The following ZZZ3 variants were observed in gnomAD, a reference collection of about 807,000 sequenced individuals.
ZZZ3 encodes the protein zinc finger ZZ-type containing 3, also known as ZZ-type zinc finger-containing protein 3.
Under a neutral mutation model 95.2 loss-of-function variants are expected in ZZZ3, and 22 were observed. The ratio of observed to expected loss-of-function variants is 0.23; its 90% CI spans 0.17 to 0.33. The LOEUF is 0.33. Among genes scored for constraint, ZZZ3 ranks in the 10% least tolerant of loss-of-function variants. The pLI, the probability that ZZZ3 is intolerant of heterozygous loss-of-function variation, is 1.00. For missense variants in ZZZ3, 885 were observed against 1,066.5 expected, an observed-to-expected ratio of 0.83 and a Z score of 2.37; for synonymous variants, 335 against 358.9, an observed-to-expected ratio of 0.93 and a Z score of 0.75.
intron 5 of ZZZ3, among the ~76,000 whole-genome samples, chr1:77,594,075 T>C (rs546833326): frequency 1.7e-4 from 26 of 152,254 alleles, no homozygotes; most frequent in Middle Eastern, 3.4e-3. Context: ...CAGCATTAAG[T>C]CTCCACTTTC....
chr1:77,680,602 AAAC>A (rs1247615152), intron 1 of ZZZ3, among the ~76,000 whole-genome samples: 6 of 152,212 alleles, frequency 3.9e-5, no homozygotes, highest in Non-Finnish European at 8.8e-5. Flanking sequence ...GAAATTACAA[AAAC>A]AACACTTACA....
At chr1:77,646,477 C>A (rs1269917768) in intron 1 of ZZZ3, among the ~76,000 whole-genome samples, 1 of 152,162 alleles carries the variant, frequency 6.6e-6, no homozygotes, top group Non-Finnish European at 1.5e-5. Context: ...CCCACCTCAG[C>A]CTCACAAAGT....
chr1:77,621,229 G>A (rs572092916), intron 5 of ZZZ3, among the ~76,000 whole-genome samples: 1 of 151,950 alleles, frequency 6.6e-6, no homozygotes, highest in Admixed American at 6.6e-5. Context: ...ACAGTGGCTC[G>A]TAACTGTAAT....
At chr1:77,667,059 TAATC>T (rs1487846413) in intron 1 of ZZZ3, among the ~76,000 whole-genome samples, 1 of 152,240 alleles carries the variant, frequency 6.6e-6, no homozygotes, top group African/African-American at 2.4e-5. Flanking sequence ...ACTAGGCTAT[TAATC>T]AAAGTCTTCT....
At chr1:77,573,351 ACCT>A (rs1021892002) in intron 12 of ZZZ3, among the ~76,000 whole-genome samples, 1 of 151,564 alleles carries the variant, frequency 6.6e-6, no homozygotes, top group African/African-American at 2.4e-5. Context: ...TGAACTCCTG[ACCT>A]CAGGTGATCT....
chr1:77,569,585 G>A (rs1661170318), intron 12 of ZZZ3, among the ~76,000 whole-genome samples: 1 of 152,034 alleles, frequency 6.6e-6, no homozygotes, highest in Admixed American at 6.5e-5. Flanking sequence ...TGCCCAACTC[G>A]CTATTTCTGG....
At chr1:77,645,908 T>C (rs1669220689) in intron 1 of ZZZ3, among the ~76,000 whole-genome samples, 1 of 150,038 alleles carries the variant, frequency 6.7e-6, no homozygotes, top group African/African-American at 2.5e-5. Flanking sequence ...GAGGTGGTGG[T>C]TGCAGTGAGC....
chr1:77,582,674 T>C (rs1662641164), intron 6 of ZZZ3, among the ~76,000 whole-genome samples: 1 of 151,006 alleles, frequency 6.6e-6, no homozygotes, highest in Non-Finnish European at 1.5e-5. Context: ...TTTTTTCTTT[T>C]TTTTTTTTTT....
chr1:77,593,420 T>C (rs938340506), intron 5 of ZZZ3, among the ~76,000 whole-genome samples: 24 of 152,110 alleles, frequency 1.6e-4, no homozygotes, highest in Non-Finnish European at 3.1e-4. Flanking sequence ...ACAAACATAA[T>C]GTATTACAAA....
At chr1:77,654,551 G>C (rs1209377326) in intron 1 of ZZZ3, among the ~76,000 whole-genome samples, 1 of 152,102 alleles carries the variant, frequency 6.6e-6, no homozygotes, top group Non-Finnish European at 1.5e-5. Context: ...TCCCCAAAAT[G>C]TAAGACTGGC....
chr1:77,611,922 ATT>A (rs2100735838), intron 5 of ZZZ3, among the ~76,000 whole-genome samples: 1 of 152,172 alleles, frequency 6.6e-6, no homozygotes, highest in African/African-American at 2.4e-5. Context: ...GTTGGCAATG[ATT>A]TTTTGGGTAA....
intron 5 of ZZZ3, among the ~76,000 whole-genome samples, chr1:77,621,141 C>T (rs1251337876): frequency 6.6e-6 from 1 of 152,026 alleles, no homozygotes; most frequent in Non-Finnish European, 1.5e-5. Context: ...GATTCTAGAT[C>T]TAAATAATAT....
At chr1:77,657,409 A>G (rs1291726706) in intron 1 of ZZZ3, among the ~76,000 whole-genome samples, 1 of 152,230 alleles carries the variant, frequency 6.6e-6, no homozygotes, top group Non-Finnish European at 1.5e-5. Flanking sequence ...ACTTAGGGGC[A>G]ATTTTAAACA....
intron 1 of ZZZ3, among the ~76,000 whole-genome samples, chr1:77,654,869 G>A (rs749452425): frequency 3.3e-5 from 5 of 151,774 alleles, no homozygotes; most frequent in African/African-American, 4.8e-5. Flanking sequence ...AGCTGGTCTC[G>A]AACTCCTGTA....
chr1:77,563,297 T>C lies in ZZZ3; in HGVS notation c.*2343A>G, dbSNP rs1660568554. On this transcript the variant is annotated 3_prime_UTR_variant, in exon 15 of 15. Transcript: ENST00000370801. ...AGTCCAATAATTCTATGTAGGCAGA[T>C]GGTAGCCTACCGGCAAATGACAGCT... 1 of 152,216 alleles carries C rather than the reference T, an allele frequency of 6.6e-6. No individual in the cohort carries two copies. The highest frequency in any genetic ancestry group is 6.5e-5 in the Admixed American group (1 of 15,284). 9.4% of individuals were successfully genotyped at this position (152,216 alleles called of 1,614,324 possible).
chr1:77,659,185 A>C (rs951209884), intron 1 of ZZZ3, among the ~76,000 whole-genome samples: 1 of 151,750 alleles, frequency 6.6e-6, no homozygotes, highest in African/African-American at 2.4e-5. Flanking sequence ...GCATATATAT[A>C]TAAAATATAT....
chr1:77,597,392 T>C (rs1000894383), intron 5 of ZZZ3, among the ~76,000 whole-genome samples: 2 of 152,100 alleles, frequency 1.3e-5, no homozygotes, highest in East Asian at 1.9e-4. Context: ...CCCTCAAGAA[T>C]AGGGAACGCA....
intron 12 of ZZZ3, among the ~76,000 whole-genome samples, chr1:77,574,835 T>C (rs1329697996): frequency 6.6e-6 from 1 of 152,196 alleles, no homozygotes; most frequent in Admixed American, 6.5e-5. Flanking sequence ...ACAAAAAATT[T>C]TTAAACCTCA....
At chr1:77,678,548 G>C (rs1304053922) in intron 1 of ZZZ3, among the ~76,000 whole-genome samples, 1 of 152,194 alleles carries the variant, frequency 6.6e-6, no homozygotes, top group African/African-American at 2.4e-5. Flanking sequence ...CAACTTACTA[G>C]GCTGCTCTAC....
Sources: gnomAD v4.1 joint callset for allele counts (sites outside exome capture counted in the v4.1 genomes callset) on GRCh38, gnomAD v4.1.1 for gene constraint, MANE v1.5 for transcripts, NCBI Gene and HGNC (gene_info 2026-07-23, HGNC 2026-07-21) for gene names.